Variants in CHSY3 observed in about 807,000 individuals in gnomAD.
CHSY3 encodes the protein N-acetylgalactosaminyl-proteoglycan 3-beta-glucuronosyltransferase 3.
Under a neutral mutation model 67.2 loss-of-function variants are expected in CHSY3, and 35 were observed. The observed-to-expected ratio is 0.52, with a 90% CI of 0.40 to 0.69. The LOEUF (loss-of-function observed/expected upper bound fraction) is 0.69. Among genes scored for constraint, CHSY3 ranks in the 30% least tolerant of loss-of-function variants. The pLI is 0.00. For missense variants in CHSY3, 1,069 were observed against 1,138.5 expected (o/e 0.94, Z 0.88); for synonymous variants, 474 against 434.7 (o/e 1.09, Z -1.12).
intron 2 of CHSY3, among the ~76,000 whole-genome samples, chr5:129,981,147 G>C (rs896750116): frequency 4.6e-5 from 7 of 151,934 alleles, no homozygotes; most frequent in Non-Finnish European, 8.8e-5. Context: ...CGTGAACCCG[G>C]GGGGCGGAGC....
intron 2 of CHSY3, among the ~76,000 whole-genome samples, chr5:130,047,604 G>A (rs1405707074): frequency 1.3e-5 from 2 of 151,986 alleles, no homozygotes; most frequent in Non-Finnish European, 2.9e-5. Flanking sequence ...CAGTTCACTA[G>A]CTGAAGTGAA....
chr5:130,125,773 T>A (rs751860038), intron 2 of CHSY3, among the ~76,000 whole-genome samples: 1 of 152,186 alleles, frequency 6.6e-6, no homozygotes, highest in African/African-American at 2.4e-5. Flanking sequence ...AGGTAAGTGA[T>A]CCCAGAAAGC....
chr5:130,024,156 C>G (rs1407115970), intron 2 of CHSY3, among the ~76,000 whole-genome samples: 1 of 98,372 alleles, frequency 1.0e-5, no homozygotes, highest in South Asian at 3.1e-4. Context: ...AAAAAAAAAG[C>G]CTGTCTTGCT....
chr5:129,911,890 A>C (rs1399821456), intron 2 of CHSY3, among the ~76,000 whole-genome samples: 1 of 152,120 alleles, frequency 6.6e-6, no homozygotes, highest in African/African-American at 2.4e-5. Context: ...CCCCGTCTCT[A>C]CTAAAAATAC....
intron 2 of CHSY3, among the ~76,000 whole-genome samples, chr5:130,162,017 G>A (rs1769558385): frequency 7.6e-6 from 1 of 131,802 alleles, no homozygotes; most frequent in African/African-American, 2.9e-5. Context: ...TGCAGCCTGG[G>A]CAACCAGAGT....
intron 2 of CHSY3, among the ~76,000 whole-genome samples, chr5:130,023,706 T>C (rs1440057547): frequency 6.6e-6 from 1 of 151,992 alleles, no homozygotes; most frequent in African/African-American, 2.4e-5. Context: ...TTAAAGACAG[T>C]TCTGAGTACA....
chr5:129,973,152 T>A (rs1238171711), intron 2 of CHSY3, among the ~76,000 whole-genome samples: 1 of 152,124 alleles, frequency 6.6e-6, no homozygotes, highest in East Asian at 1.9e-4. Context: ...TGTCATAGAT[T>A]CTACACTGAT....
At chr5:130,070,493 G>A (rs1257202518) in intron 2 of CHSY3, among the ~76,000 whole-genome samples, 1 of 151,966 alleles carries the variant, frequency 6.6e-6, no homozygotes, top group South Asian at 2.1e-4. Context: ...AGTTTTATGT[G>A]GATTTTGGTG....
chr5:130,078,277 C>T (rs2149685342), intron 2 of CHSY3, among the ~76,000 whole-genome samples: 1 of 152,108 alleles, frequency 6.6e-6, no homozygotes. Flanking sequence ...GCTTCAGAAA[C>T]ACCAAATATA....
chr5:130,173,462 T>C (rs1483877983), intron 2 of CHSY3, among the ~76,000 whole-genome samples: 1 of 152,166 alleles, frequency 6.6e-6, no homozygotes, highest in African/African-American at 2.4e-5. Flanking sequence ...CAGATTTTCT[T>C]AGTTTTGCAA....
At chr5:130,146,275 A>G (rs959754459) in intron 2 of CHSY3, among the ~76,000 whole-genome samples, 2 of 152,216 alleles carry the variant, frequency 1.3e-5, no homozygotes, top group African/African-American at 4.8e-5. Context: ...AGCCATAAAA[A>G]AGAATGAAAT....
chr5:130,096,656 C>A (rs1767057430), intron 2 of CHSY3, among the ~76,000 whole-genome samples: 1 of 151,912 alleles, frequency 6.6e-6, no homozygotes, highest in South Asian at 2.1e-4. Context: ...TTTTTCACTA[C>A]CATTGGTTCT....
chr5:130,129,185 T>C (rs1768399447), intron 2 of CHSY3, among the ~76,000 whole-genome samples: 1 of 152,132 alleles, frequency 6.6e-6, no homozygotes, highest in Non-Finnish European at 1.5e-5. Context: ...GCCCAAAATA[T>C]AACATTAATA....
chr5:130,150,306 G>A (rs543988400), intron 2 of CHSY3, among the ~76,000 whole-genome samples: 3 of 152,018 alleles, frequency 2.0e-5, no homozygotes, highest in African/African-American at 4.8e-5. Context: ...TATCTTTTAG[G>A]ACACTAAAAT....
intron 2 of CHSY3, among the ~76,000 whole-genome samples, chr5:129,952,880 ATATTAT>A (rs1762063030): frequency 6.6e-6 from 1 of 152,226 alleles, no homozygotes. Flanking sequence ...TGTAAGGTGA[ATATTAT>A]TGTCCCCATT....
intron 2 of CHSY3, among the ~76,000 whole-genome samples, chr5:130,008,176 A>T (rs527910759): frequency 6.6e-6 from 1 of 152,256 alleles, no homozygotes; most frequent in East Asian, 1.9e-4. Flanking sequence ...ATACATGTAC[A>T]TGGACTCAAC....
chr5:129,953,300 G>A (rs186845152), intron 2 of CHSY3, among the ~76,000 whole-genome samples: 4 of 152,232 alleles, frequency 2.6e-5, no homozygotes, highest in Admixed American at 6.5e-5. Flanking sequence ...CTCTGCAAAC[G>A]ACATGAACTC....
At chr5:129,934,266 A>C (rs1761415926) in intron 2 of CHSY3, among the ~76,000 whole-genome samples, 1 of 152,168 alleles carries the variant, frequency 6.6e-6, no homozygotes, top group Non-Finnish European at 1.5e-5. Flanking sequence ...TTTATTTAAG[A>C]TATACATTAC....
intron 2 of CHSY3, among the ~76,000 whole-genome samples, chr5:129,961,282 G>A (rs1369090346): frequency 6.6e-6 from 1 of 152,026 alleles, no homozygotes; most frequent in Non-Finnish European, 1.5e-5. Flanking sequence ...GATGAAAAGG[G>A]TTTGAATTGA....
Sources: allele counts gnomAD v4.1 joint callset (sites outside exome capture counted in the v4.1 genomes callset), GRCh38; gene constraint gnomAD v4.1.1; transcripts MANE v1.5; gene names NCBI Gene and HGNC (gene_info 2026-07-23, HGNC 2026-07-21).